AFG2A: variants seen among roughly 807,000 people sequenced by gnomAD.
AFG2A encodes AAA ATPase AFG2A, also known as ATPase family gene 2 protein homolog A.
the AFG2A span, among the ~76,000 whole-genome samples, chr4:123,100,889 T>C: frequency 6.6e-6 from 1 of 151,982 alleles, no homozygotes; most frequent in Non-Finnish European, 1.5e-5. Flanking sequence ...TTTCACATGA[T>C]TCCCAGATAT....
chr4:123,117,858 A>T, the AFG2A span, among the ~76,000 whole-genome samples: 7 of 147,110 alleles, frequency 4.8e-5, no homozygotes, highest in African/African-American at 1.7e-4. Flanking sequence ...TATTTTTTTA[A>T]TTTTTTTTTT....
chr4:123,032,405 T>C, the AFG2A span, among the ~76,000 whole-genome samples: 8 of 152,220 alleles, frequency 5.3e-5, no homozygotes, highest in South Asian at 2.1e-4. Context: ...CTTTTTTTTT[T>C]CCTCTGAGAC....
chr4:122,946,774 G>A, the AFG2A span, among the ~76,000 whole-genome samples: 21 of 152,158 alleles, frequency 1.4e-4, no homozygotes, highest in African/African-American at 4.1e-4. Flanking sequence ...GTCTATAAGC[G>A]AAGACTTTTT....
At chr4:123,179,432 C>T in the AFG2A span, among the ~76,000 whole-genome samples, 5 of 152,196 alleles carry the variant, frequency 3.3e-5, no homozygotes, top group South Asian at 8.3e-4. Context: ...CCTCTGCCTC[C>T]TGGGTCCAAG....
the AFG2A span, among the ~76,000 whole-genome samples, chr4:123,179,290 T>A: frequency 6.6e-6 from 1 of 151,352 alleles, no homozygotes; most frequent in Non-Finnish European, 1.5e-5. Flanking sequence ...GTTCTTAAAA[T>A]TGTCAGCTCA....
chr4:122,954,692 T>A, the AFG2A span, among the ~76,000 whole-genome samples: 1 of 152,226 alleles, frequency 6.6e-6, no homozygotes, highest in South Asian at 2.1e-4. Flanking sequence ...CTCTTTCTAC[T>A]CATAGTTCTT....
the AFG2A span, among the ~76,000 whole-genome samples, chr4:123,233,402 C>T: frequency 6.6e-6 from 1 of 151,958 alleles, no homozygotes; most frequent in Non-Finnish European, 1.5e-5. Flanking sequence ...TTATATTTTC[C>T]TTCCCTTTCC....
chr4:123,193,178 C>T, the AFG2A span, among the ~76,000 whole-genome samples: 1 of 152,142 alleles, frequency 6.6e-6, no homozygotes, highest in Non-Finnish European at 1.5e-5. Context: ...GTGAGAACAA[C>T]CCAACTTTAA....
the AFG2A span, among the ~76,000 whole-genome samples, chr4:122,996,726 G>A: frequency 6.6e-6 from 1 of 152,036 alleles, no homozygotes; most frequent in Non-Finnish European, 1.5e-5. Context: ...CCTGTAGAAG[G>A]TAGTGTGACT....
the AFG2A span, among the ~76,000 whole-genome samples, chr4:122,932,094 C>T: frequency 2.3e-3 from 352 of 151,944 alleles, no homozygotes; most frequent in African/African-American, 8.1e-3. Flanking sequence ...TGGTGAAACA[C>T]CGCCTCTACA....
the AFG2A span, among the ~76,000 whole-genome samples, chr4:123,298,409 G>A: frequency 6.6e-6 from 1 of 152,180 alleles, no homozygotes; most frequent in Non-Finnish European, 1.5e-5. Flanking sequence ...CTGAGGCCCA[G>A]CCACACTGCT....
the AFG2A span, among the ~76,000 whole-genome samples, chr4:122,963,035 A>T: frequency 6.6e-6 from 1 of 152,206 alleles, no homozygotes; most frequent in Non-Finnish European, 1.5e-5. Flanking sequence ...AGTAGTTAAC[A>T]TGGTGAAGCT....
At chr4:123,267,996 G>A in the AFG2A span, among the ~76,000 whole-genome samples, 1 of 151,920 alleles carries the variant, frequency 6.6e-6, no homozygotes, top group Non-Finnish European at 1.5e-5. Context: ...CCCATGAAGA[G>A]TGTATGTTGT....
the AFG2A span, among the ~76,000 whole-genome samples, chr4:123,054,162 C>T: frequency 2.0e-5 from 3 of 152,118 alleles, no homozygotes; most frequent in South Asian, 6.2e-4. Flanking sequence ...ATAGTCAAGC[C>T]CCTTGAGAGA....
the AFG2A span, among the ~76,000 whole-genome samples, chr4:123,166,865 C>T: frequency 1.1e-4 from 16 of 152,084 alleles, no homozygotes; most frequent in African/African-American, 2.9e-4. Flanking sequence ...TGGATTATAA[C>T]GTATGGATCC....
At chr4:123,022,907 T>C in the AFG2A span, among the ~76,000 whole-genome samples, 1 of 151,920 alleles carries the variant, frequency 6.6e-6, no homozygotes, top group East Asian at 1.9e-4. Flanking sequence ...AAATTGGAAA[T>C]CATCATTCGC....
At chr4:123,074,443 TTTTC>T in the AFG2A span, among the ~76,000 whole-genome samples, 833 of 17,528 alleles carry the variant, frequency 0.048, 22 homozygotes, top group African/African-American at 0.092. Flanking sequence ...TCCATTCTTT[TTTTC>T]TTTTTTTTTT....
chr4:122,949,103 G>A, the AFG2A span, among the ~76,000 whole-genome samples: 2 of 152,212 alleles, frequency 1.3e-5, no homozygotes, highest in Non-Finnish European at 2.9e-5. Context: ...CATGGCCTGG[G>A]TTAGATCGTG....
the AFG2A span, among the ~76,000 whole-genome samples, chr4:122,954,212 T>TG: frequency 6.6e-6 from 1 of 152,122 alleles, no homozygotes; most frequent in Non-Finnish European, 1.5e-5. Context: ...TGGCATGCGA[T>TG]GTATGCCATT....
Sources: allele counts gnomAD v4.1 joint callset (sites outside exome capture counted in the v4.1 genomes callset), GRCh38; gene constraint gnomAD v4.1.1; transcripts MANE v1.5; gene names NCBI Gene and HGNC (gene_info 2026-07-23, HGNC 2026-07-21).